Variants in PRCC observed in about 807,000 individuals in gnomAD.
The protein encoded by PRCC is proline-rich protein PRCC.
In PRCC, 10 loss-of-function variants were observed where a neutral mutation model predicts 44.0. That is an observed-to-expected ratio of 0.23 (90% confidence interval 0.14 to 0.39). PRCC has a LOEUF of 0.39. Ranked by LOEUF, PRCC falls within the 10% of genes least tolerant of loss-of-function variation. PRCC has a pLI of 1.00. For missense variants in PRCC, 573 were observed against 624.7 expected (o/e 0.92, Z 0.88); for synonymous variants, 278 against 259.5 (o/e 1.07, Z -0.69).
chr1:156,778,147 A>C (rs1386600039), intron 1 of PRCC, among the ~76,000 whole-genome samples: 1 of 152,014 alleles, frequency 6.6e-6, no homozygotes, highest in African/African-American at 2.4e-5. Context: ...CTCAAAAAAA[A>C]CCCTCAGACG....
intron 6 of PRCC, 102 bp downstream of exon 6, chr1:156,797,443 A>G (rs1652694727): frequency 2.8e-6 from 4 of 1,405,704 alleles, no homozygotes; most frequent in Admixed American, 1.8e-5. Flanking sequence ...ATCTTTTAGC[A>G]GCCCATCTTT....
intron 1 of PRCC, among the ~76,000 whole-genome samples, chr1:156,775,426 C>T (rs79584259): frequency 0.033 from 4,984 of 151,572 alleles, 273 homozygotes; most frequent in African/African-American, 0.12. Flanking sequence ...TCTTAGCTTA[C>T]TTCAGCCTTG....
chr1:156,796,521 T>C (rs1011103469), intron 5 of PRCC: 1 of 152,276 alleles, frequency 6.6e-6, no homozygotes, highest in Non-Finnish European at 1.5e-5. Context: ...GAGACAACTC[T>C]GGCAGAGGAC....
rs544569667 is a variant in PRCC, at chr1:156,775,464, C to A, written c.469-6818C>A. 9.9e-5 allele frequency among the ~76,000 whole-genome samples: 15 copies of A among 151,938 alleles called. No homozygotes were observed. In the East Asian group the frequency reaches 2.7e-3, roughly 28 times the overall value. On this transcript the variant is annotated intron_variant, in intron 1 of 6. Coordinates refer to ENST00000271526, the MANE Select transcript of PRCC (RefSeq NM_005973.5). ...CTCCTTGGCTCAAGCAATCCTCCTA[C>A]CTCAGCCTTCTGAGTAGCTGGGATT...
intron 5 of PRCC, 125 bp from the exon 6 acceptor site, chr1:156,797,151 C>A: frequency 8.8e-7 from 1 of 1,139,372 alleles, no homozygotes; most frequent in Non-Finnish European, 1.3e-6. Flanking sequence ...ACAGCTCCAA[C>A]TTTTCTCCCC....
intron 2 of PRCC, among the ~76,000 whole-genome samples, chr1:156,784,616 T>G (rs947055399): frequency 1.3e-5 from 2 of 152,194 alleles, no homozygotes; most frequent in African/African-American, 4.8e-5. Context: ...GGACCAAATC[T>G]GTGAACACAC....
At chr1:156,796,630 G>A (rs1161014995) in intron 5 of PRCC, 2 of 152,406 alleles carry the variant, frequency 1.3e-5, no homozygotes, top group Non-Finnish European at 2.9e-5. Flanking sequence ...TACGGGCGGA[G>A]GCTGGAAGAC....
rs556392681 is a variant in PRCC, at chr1:156,787,326, C to T, written c.1083+152C>T. 4 of 877,958 alleles carry T rather than the reference C, an allele frequency of 4.6e-6. No homozygotes were observed. The South Asian group carries it at 6.4e-5, about 14-fold the overall frequency. The allele number at this position is 877,958 out of a possible 1,614,324, so 54.4% of individuals were successfully genotyped here. On this transcript the variant is annotated intron_variant, in intron 3 of 6. Transcript: ENST00000271526. ...CACAGAACATACCTTTATTCTGAAC[C>T]ATATTAATCTAAATTGCCCAAGTCT...
intron 1 of PRCC, among the ~76,000 whole-genome samples, chr1:156,781,672 T>G (rs1558049357): frequency 6.6e-6 from 1 of 152,234 alleles, no homozygotes; most frequent in African/African-American, 2.4e-5. Flanking sequence ...CAGATCCTCA[T>G]GGTCATCATT....
intron 4 of PRCC, among the ~76,000 whole-genome samples, chr1:156,792,900 G>A (rs779210932): frequency 2.0e-5 from 3 of 152,188 alleles, no homozygotes; most frequent in Non-Finnish European, 2.9e-5. Context: ...GTTAAATACC[G>A]TTGTGTTTCA....
Position 156,787,448 on chromosome 1 carries a change from T to TATATA in PRCC, c.1083+274_1083+275insATATA, listed in dbSNP as rs1491308804. ...CCATAATATTTGTACATATTTGTGA[T>TATATA]TGATATATATATATATATATATATA... On this transcript the variant is annotated intron_variant, in intron 3 of 6. Transcript: ENST00000271526. Among the ~76,000 whole-genome samples the TATATA allele has an allele frequency of 8.3e-4, 58 of 70,134 alleles. 1 individual carries two copies. Among genetic ancestry groups the TATATA allele is most frequent in the African/African-American group, 2.4e-3 (56 of 23,512 alleles). 46.0% of individuals were successfully genotyped at this position (70,134 alleles called of 152,430 possible).
chr1:156,779,204 G>A (rs1403377602), intron 1 of PRCC, among the ~76,000 whole-genome samples: 1 of 134,924 alleles, frequency 7.4e-6, no homozygotes, highest in African/African-American at 2.8e-5. Flanking sequence ...ACCCAGGCTG[G>A]AGTGCAGTGG....
chr1:156,785,194 G>A (rs1652193377), intron 2 of PRCC, among the ~76,000 whole-genome samples: 1 of 152,108 alleles, frequency 6.6e-6, no homozygotes, highest in Admixed American at 6.6e-5. Context: ...GTCAGCTAAT[G>A]TAGAATTCTA....
intron 1 of PRCC, among the ~76,000 whole-genome samples, chr1:156,776,666 A>G (rs1243433810): frequency 6.6e-6 from 1 of 152,202 alleles, no homozygotes; most frequent in Non-Finnish European, 1.5e-5. Flanking sequence ...GAAAAATAAG[A>G]ATATGCTTGT....
rs746735479 is a variant in PRCC, at chr1:156,786,998, C to T, written c.907C>T (p.Pro303Ser). 6 of 1,614,134 alleles carry T rather than the reference C, an allele frequency of 3.7e-6. No individual in the cohort carries two copies. Among genetic ancestry groups the T allele is most frequent in the Middle Eastern group, 1.6e-4 (1 of 6,084 alleles). ...CATCCCCACTGTCCCTGAAGAGCTGCCTCCAGGCACGGAACCAGAGCCGGC... is the reference window on the plus strand; with the variant it reads ...CATCCCCACTGTCCCTGAAGAGCTGTCTCCAGGCACGGAACCAGAGCCGGC... ...YPIPTVPEEL[P>S]PGTEPEPAFQ... The change falls in exon 3 of 7, where the codon CCT (proline) becomes TCT (serine). Residue 303 changes from proline (P) to serine (S), a missense_variant. By Grantham distance (74) the Pro-to-Ser change is moderately conservative. Transcript: ENST00000271526.
intron 2 of PRCC, 43 bp downstream of exon 2, chr1:156,782,372 T>C: frequency 6.5e-7 from 1 of 1,532,984 alleles, no homozygotes; most frequent in East Asian, 2.3e-5. Flanking sequence ...CTTCCTGTAT[T>C]ATTTCCTCAA....
intron 3 of PRCC, among the ~76,000 whole-genome samples, chr1:156,787,469 A>G (rs1652304329): frequency 6.5e-4 from 2 of 3,086 alleles, no homozygotes; most frequent in Non-Finnish European, 4.1e-3. Context: ...ATATATATAT[A>G]TATATATATA....
At chr1:156,790,067 G>T (rs1318568765) in intron 3 of PRCC, among the ~76,000 whole-genome samples, 1 of 152,210 alleles carries the variant, frequency 6.6e-6, no homozygotes, top group Non-Finnish European at 1.5e-5. Context: ...CCCATGACTG[G>T]GCAGCTTCAG....
chr1:156,767,726 G>A lies in PRCC; in HGVS notation c.-46G>A. 1 of 1,535,208 alleles carries A rather than the reference G, an allele frequency of 6.5e-7. No individual in the cohort carries two copies. The highest frequency in any genetic ancestry group is 8.8e-7 in the Non-Finnish European group (1 of 1,139,704). ...GGCCTCCGGGCATCCCCGGTCTCAA[G>A]TAGGCCTCATCTGCCGGCAAGGGCG... On this transcript the variant is annotated 5_prime_UTR_variant, in exon 1 of 7. Transcript: ENST00000271526.
Sources: gnomAD v4.1 joint callset for allele counts (sites outside exome capture counted in the v4.1 genomes callset) on GRCh38, gnomAD v4.1.1 for gene constraint, MANE v1.5 for transcripts, NCBI Gene and HGNC (gene_info 2026-07-23, HGNC 2026-07-21) for gene names.